DIP2C: variants seen among roughly 807,000 people sequenced by gnomAD.
DIP2C encodes DIP2 acetate--CoA ligase C (putative).
A neutral mutation model predicts 192.4 loss-of-function variants in DIP2C; 33 were observed. The observed-to-expected ratio is 0.17, with a 90% CI of 0.13 to 0.23. The LOEUF is 0.23. DIP2C is among the 10% of genes least tolerant of loss of function. The probability of loss-of-function intolerance (pLI) is 1.00; values close to 1 mark genes in which losing one functional copy is unlikely to be tolerated. For missense variants in DIP2C, 1,537 were observed against 2,110.1 expected, an observed-to-expected ratio of 0.73 and a Z score of 5.32; for synonymous variants, 979 against 864.1, an observed-to-expected ratio of 1.13 and a Z score of -2.33.
chr10:360,675 T>C (rs1182729516), intron 22 of DIP2C, among the ~76,000 whole-genome samples: 1 of 152,194 alleles, frequency 6.6e-6, no homozygotes, highest in Non-Finnish European at 1.5e-5. Context: ...GCTGTGGAAT[T>C]GTACCTTGTT....
At chr10:496,736 G>A (rs942038599) in intron 1 of DIP2C, among the ~76,000 whole-genome samples, 21 of 150,552 alleles carry the variant, frequency 1.4e-4, no homozygotes, top group African/African-American at 5.1e-4. Context: ...AACCCATGGT[G>A]CCCTCCCATG....
chr10:483,064 G>T (rs568539688), intron 2 of DIP2C, among the ~76,000 whole-genome samples: 1 of 152,182 alleles, frequency 6.6e-6, no homozygotes, highest in South Asian at 2.1e-4. Flanking sequence ...TCTGAATCCC[G>T]ACTGGAGGCC....
At chr10:487,550 T>A (rs1470271716) in intron 1 of DIP2C, among the ~76,000 whole-genome samples, 1 of 130,508 alleles carries the variant, frequency 7.7e-6, no homozygotes, top group Non-Finnish European at 1.6e-5. Flanking sequence ...GGAACCCGCA[T>A]CCGCCCATCA....
chr10:337,633 CGT>C (rs1311246819), intron 29 of DIP2C, among the ~76,000 whole-genome samples: 13 of 86,382 alleles, frequency 1.5e-4, no homozygotes, highest in African/African-American at 5.9e-4. Context: ...TGTGTGCGCA[CGT>C]GTGTTGTGGA....
intron 1 of DIP2C, among the ~76,000 whole-genome samples, chr10:625,610 T>C (rs2131856666): frequency 6.6e-6 from 1 of 152,194 alleles, no homozygotes; most frequent in African/African-American, 2.4e-5. Context: ...GGACAGAAAG[T>C]GACCTCTAGC....
chr10:542,913 C>G (rs1346637819), intron 1 of DIP2C, among the ~76,000 whole-genome samples: 3 of 151,684 alleles, frequency 2.0e-5, no homozygotes, highest in Non-Finnish European at 4.4e-5. Flanking sequence ...CCCTGCCTCT[C>G]TATATACCAC....
At chr10:279,353 G>A (rs1954692569) in intron 36 of DIP2C, among the ~76,000 whole-genome samples, 1 of 152,160 alleles carries the variant, frequency 6.6e-6, no homozygotes, top group Admixed American at 6.5e-5. Flanking sequence ...AATAGTCCTA[G>A]AGTATCCAAA....
chr10:582,672 G>C (rs868574750), intron 1 of DIP2C, among the ~76,000 whole-genome samples: 1 of 152,196 alleles, frequency 6.6e-6, no homozygotes, highest in African/African-American at 2.4e-5. Context: ...GTGTGATAGC[G>C]TTTCTATCAG....
intron 1 of DIP2C, among the ~76,000 whole-genome samples, chr10:519,305 G>C (rs1846551599): frequency 6.6e-6 from 1 of 152,370 alleles, no homozygotes; most frequent in East Asian, 1.9e-4. Flanking sequence ...CCCCTGGGAT[G>C]AGGTGGATGC....
intron 1 of DIP2C, among the ~76,000 whole-genome samples, chr10:679,897 G>A (rs1343838860): frequency 1.3e-5 from 2 of 152,202 alleles, no homozygotes; most frequent in South Asian, 2.1e-4. Context: ...TGGAGGTAAA[G>A]AAAATAAATG....
chr10:375,503 A>C (rs1180919532), intron 17 of DIP2C, among the ~76,000 whole-genome samples: 1 of 152,218 alleles, frequency 6.6e-6, no homozygotes, highest in Non-Finnish European at 1.5e-5. Context: ...AAAAGGAAAG[A>C]AGCAGGCCAG....
At chr10:339,614 G>A (rs988364454) in intron 29 of DIP2C, among the ~76,000 whole-genome samples, 12 of 152,256 alleles carry the variant, frequency 7.9e-5, no homozygotes, top group Non-Finnish European at 1.2e-4. Context: ...CCCTACAAGG[G>A]CCGTTGTTCA....
At chr10:579,316 A>G (rs1053058372) in intron 1 of DIP2C, among the ~76,000 whole-genome samples, 4 of 152,084 alleles carry the variant, frequency 2.6e-5, no homozygotes, top group Non-Finnish European at 5.9e-5. Context: ...TAGGTACACT[A>G]TAATACGTGT....
intron 1 of DIP2C, among the ~76,000 whole-genome samples, chr10:603,907 C>T (rs1430605872): frequency 1.3e-5 from 2 of 151,254 alleles, no homozygotes; most frequent in Admixed American, 1.3e-4. Context: ...CCGACCACTG[C>T]CCCAGCCTCA....
At chr10:378,900 A>C (rs1210525735) in intron 17 of DIP2C, among the ~76,000 whole-genome samples, 3 of 152,224 alleles carry the variant, frequency 2.0e-5, no homozygotes, top group Non-Finnish European at 2.9e-5. Context: ...GACATGCATA[A>C]AGACACGGAC....
intron 1 of DIP2C, among the ~76,000 whole-genome samples, chr10:603,733 C>A (rs1015265573): frequency 1.3e-5 from 2 of 152,186 alleles, no homozygotes; most frequent in African/African-American, 4.8e-5. Flanking sequence ...GCATTAACTT[C>A]CTATTGCTGC....
intron 1 of DIP2C, among the ~76,000 whole-genome samples, chr10:538,761 G>T (rs1380205945): frequency 6.6e-6 from 1 of 152,160 alleles, no homozygotes; most frequent in African/African-American, 2.4e-5. Context: ...TTTAACAAAA[G>T]ATAACTGTAC....
In DIP2C at chr10:689,442, G is replaced by A; in HGVS notation, c.85+52C>T. The A allele has an allele frequency of 9.8e-7, 1 of 1,022,074 alleles. No individual in the cohort carries two copies. Among genetic ancestry groups the A allele is most frequent in the Admixed American group, 5.7e-5 (1 of 17,444 alleles). 63.3% of individuals were successfully genotyped at this position (1,022,074 alleles called of 1,614,324 possible). On this transcript the variant is annotated intron_variant, in intron 1 of 36. Coordinates refer to ENST00000280886, the MANE Select transcript of DIP2C (RefSeq NM_014974.3). This position sits in a 1 kb window ranked among gnomAD's most constrained non-coding sequence, Gnocchi z 6.1. ...GCCCCGCGCCCCCAGCCCTCCGCGC[G>A]CGGCCCTCCCCGGTGACAGCGCGGC...
At chr10:476,204 C>T (rs1312222444) in intron 2 of DIP2C, among the ~76,000 whole-genome samples, 1 of 152,182 alleles carries the variant, frequency 6.6e-6, no homozygotes, top group Non-Finnish European at 1.5e-5. Flanking sequence ...AGCAAGGTCT[C>T]TTGAGGCAAG....
Sources: gnomAD v4.1 joint callset for allele counts (sites outside exome capture counted in the v4.1 genomes callset) on GRCh38, gnomAD v4.1.1 for gene constraint, Gnocchi (gnomAD v3.1) non-coding constraint, MANE v1.5 for transcripts, NCBI Gene and HGNC (gene_info 2026-07-23, HGNC 2026-07-21) for gene names.